The following CSMD1 variants were observed in gnomAD, a reference collection of about 807,000 sequenced individuals.
The protein encoded by CSMD1 is CUB and sushi domain-containing protein 1.
Under a neutral mutation model 417.5 loss-of-function variants are expected in CSMD1, and 213 were observed. The observed-to-expected ratio is 0.51, with a 90% CI of 0.46 to 0.57. The LOEUF is 0.57. Among genes scored for constraint, CSMD1 ranks in the 20% least tolerant of loss-of-function variants. The pLI is 0.00. For missense variants in CSMD1, 6,923 were observed against 4,529.7 expected (o/e 1.53, Z -15.17); for synonymous variants, 2,862 against 1,736.8 (o/e 1.65, Z -16.11).
intron 17 of CSMD1, among the ~76,000 whole-genome samples, chr8:3,388,712 C>G (rs1225124764): frequency 6.6e-6 from 1 of 152,176 alleles, no homozygotes; most frequent in African/African-American, 2.4e-5. Context: ...TAACACATGT[C>G]TATTGCCCTA....
intron 46 of CSMD1, among the ~76,000 whole-genome samples, chr8:3,104,533 A>C (rs1033196415): frequency 1.9e-4 from 29 of 152,182 alleles, no homozygotes; most frequent in African/African-American, 5.3e-4. Context: ...TTCAATGTTA[A>C]TATTTTTTCA....
Position 3,411,957 on chromosome 8 carries a change from C to T in CSMD1, c.1562-2352G>A, listed in dbSNP as rs1210484697. Among the ~76,000 whole-genome samples the T allele has an allele frequency of 1.6e-4, 10 of 62,076 alleles. 1 individual carries two copies. The highest frequency in any genetic ancestry group is 6.3e-4 in the South Asian group (1 of 1,596). The allele number at this position is 62,076 out of a possible 152,430, so 40.7% of individuals were successfully genotyped here. On this transcript the variant is annotated intron_variant, in intron 12 of 69. Coordinates refer to ENST00000635120, the MANE Select transcript of CSMD1 (RefSeq NM_033225.6). Reference sequence around the variant, plus strand: ...ACGTATATATGCACGTATATATACACGTATATATGCACGTATATATACACG... The same window carrying T: ...ACGTATATATGCACGTATATATACATGTATATATGCACGTATATATACACG...
intron 5 of CSMD1, among the ~76,000 whole-genome samples, chr8:3,782,392 A>G (rs1799230075): frequency 6.6e-6 from 1 of 152,204 alleles, no homozygotes; most frequent in Non-Finnish European, 1.5e-5. Flanking sequence ...TAATCACGAT[A>G]AACTAAAAAA....
intron 1 of CSMD1, among the ~76,000 whole-genome samples, chr8:4,729,019 G>A (rs73659200): frequency 6.6e-6 from 1 of 152,136 alleles, no homozygotes; most frequent in African/African-American, 2.4e-5. Context: ...GAAGGCGTTA[G>A]TATACAGACG....
At chr8:3,921,840 A>G (rs1389984428) in intron 5 of CSMD1, among the ~76,000 whole-genome samples, 2 of 152,162 alleles carry the variant, frequency 1.3e-5, no homozygotes, top group African/African-American at 4.8e-5. Flanking sequence ...TGCAAAGCTT[A>G]GAAAAATGTA....
chr8:3,046,548 C>T (rs148802226), intron 50 of CSMD1, among the ~76,000 whole-genome samples: 2,169 of 152,246 alleles, frequency 0.014, 17 homozygotes, highest in East Asian at 0.031. Flanking sequence ...CAGGTGAATA[C>T]TGAACTATCT....
intron 7 of CSMD1, among the ~76,000 whole-genome samples, chr8:3,656,557 C>T (rs898511471): frequency 6.6e-6 from 1 of 152,178 alleles, no homozygotes; most frequent in African/African-American, 2.4e-5. Context: ...CAAATGAGAA[C>T]ATGAGATGGG....
intron 41 of CSMD1, among the ~76,000 whole-genome samples, chr8:3,138,576 G>A (rs576246958): frequency 3.4e-4 from 52 of 152,294 alleles, no homozygotes; most frequent in African/African-American, 1.2e-3. Flanking sequence ...GACCTCCCCT[G>A]GTCGGAGTAC....
intron 1 of CSMD1, among the ~76,000 whole-genome samples, chr8:4,762,973 G>A (rs1381548094): frequency 6.6e-6 from 1 of 152,142 alleles, no homozygotes; most frequent in Non-Finnish European, 1.5e-5. Flanking sequence ...CTGGTGGCGT[G>A]TGGGAGGAGA....
intron 1 of CSMD1, among the ~76,000 whole-genome samples, chr8:4,856,762 A>G (rs1801825357): frequency 6.7e-6 from 1 of 150,168 alleles, no homozygotes; most frequent in Non-Finnish European, 1.5e-5. Flanking sequence ...CAAGATTCAT[A>G]AAGCAAGTCC....
Position 3,155,359 on chromosome 8 carries a change from A to ATTTTTTTTTTTTTTTTTTTTTTTTT in CSMD1, c.5914+2513_5914+2537dup, listed in dbSNP as rs556304192. Among the ~76,000 whole-genome samples the ATTTTTTTTTTTTTTTTTTTTTTTTT allele has an allele frequency of 3.3e-3, 145 of 43,320 alleles. 47 individuals are homozygous for ATTTTTTTTTTTTTTTTTTTTTTTTT. The highest frequency in any genetic ancestry group is 7.3e-3 in the East Asian group (11 of 1,514). The allele number at this position is 43,320 out of a possible 152,430, so 28.4% of individuals were successfully genotyped here. ...TTTTTCCTTCCAAATCAAGGCTGGGATTTTTTTTTTTTTTTTTTTTTTTTT... is the reference window on the plus strand; with the variant it reads ...TTTTTCCTTCCAAATCAAGGCTGGGATTTTTTTTTTTTTTTTTTTTTTTTTTTTTTTTTTTTTTTTTTTTTTTTTT... On this transcript the variant is annotated intron_variant, in intron 39 of 69. Coordinates refer to ENST00000635120, the MANE Select transcript of CSMD1 (RefSeq NM_033225.6).
chr8:4,510,493 A>G (rs1029753818), intron 2 of CSMD1, among the ~76,000 whole-genome samples: 3 of 149,112 alleles, frequency 2.0e-5, no homozygotes, highest in African/African-American at 7.5e-5. Flanking sequence ...CTTCTACCTC[A>G]GATAATAATT....
intron 23 of CSMD1, among the ~76,000 whole-genome samples, chr8:3,323,487 T>G (rs1406172743): frequency 6.6e-6 from 1 of 152,172 alleles, no homozygotes; most frequent in Non-Finnish European, 1.5e-5. Flanking sequence ...CCCATGATCT[T>G]ACTCACACCA....
At chr8:4,327,676 G>T (rs1039926272) in intron 3 of CSMD1, among the ~76,000 whole-genome samples, 5 of 152,144 alleles carry the variant, frequency 3.3e-5, no homozygotes, top group African/African-American at 1.2e-4. Flanking sequence ...CATGTTTCTA[G>T]AATGTATTTT....
At chr8:4,542,092 T>C (rs186033904) in intron 2 of CSMD1, among the ~76,000 whole-genome samples, 67 of 152,188 alleles carry the variant, frequency 4.4e-4, no homozygotes, top group African/African-American at 1.6e-3. Flanking sequence ...CCAAGTGAAA[T>C]ATATGCTCAT....
intron 18 of CSMD1, among the ~76,000 whole-genome samples, chr8:3,372,713 C>T (rs1267527928): frequency 6.6e-6 from 1 of 152,076 alleles, no homozygotes; most frequent in Non-Finnish European, 1.5e-5. Flanking sequence ...GCTTTGGATA[C>T]CAAAGCTCCA....
intron 1 of CSMD1, among the ~76,000 whole-genome samples, chr8:4,944,017 G>T (rs1404643897): frequency 1.3e-5 from 2 of 152,094 alleles, no homozygotes; most frequent in Non-Finnish European, 2.9e-5. Context: ...AAAAAGACTT[G>T]GGAATCAAAA....
chr8:4,375,898 T>C (rs111489615), intron 3 of CSMD1, among the ~76,000 whole-genome samples: 1 of 152,120 alleles, frequency 6.6e-6, no homozygotes, highest in African/African-American at 2.4e-5. Context: ...GCAAATGCCT[T>C]CAGGATACGG....
In CSMD1 at chr8:3,926,404, T is replaced by C. The variant is rs540974426; in HGVS notation, c.818+71499A>G. ...AGGGCAGTAAGATTTTTTCTGTCTTTTGTTGAGATATTACCAGTAGCTAAT... is the reference window on the plus strand; with the variant it reads ...AGGGCAGTAAGATTTTTTCTGTCTTCTGTTGAGATATTACCAGTAGCTAAT... On this transcript the variant is annotated intron_variant, in intron 5 of 69. Coordinates refer to ENST00000635120, the MANE Select transcript of CSMD1 (RefSeq NM_033225.6). Among the ~76,000 whole-genome samples the C allele has an allele frequency of 1.8e-4, 27 of 149,716 alleles. No individual in the cohort carries two copies. In the East Asian group the frequency reaches 4.6e-3, roughly 26 times the overall value.
Sources: allele counts gnomAD v4.1 joint callset (sites outside exome capture counted in the v4.1 genomes callset), GRCh38; gene constraint gnomAD v4.1.1; transcripts MANE v1.5; gene names NCBI Gene and HGNC (gene_info 2026-07-23, HGNC 2026-07-21).